The following CIMIP2C variants were observed in gnomAD, a reference collection of about 807,000 sequenced individuals.
CIMIP2C encodes the protein UPF0573 protein C2orf70.
At chr2:26,579,010 C>A in the CIMIP2C span, 2 of 525,160 alleles carry the variant, frequency 3.8e-6, no homozygotes, top group Non-Finnish European at 7.3e-6. Context: ...GAGGGGGATA[C>A]CACCACTGGG....
the CIMIP2C span, chr2:26,572,057 C>T: frequency 1.3e-6 from 2 of 1,513,332 alleles, no homozygotes; most frequent in Non-Finnish European, 1.8e-6. Flanking sequence ...GGATAAAAAC[C>T]ATCAAAGGAC....
At chr2:26,571,751 C>T in the CIMIP2C span, among the ~76,000 whole-genome samples, 11 of 151,958 alleles carry the variant, frequency 7.2e-5, no homozygotes, top group South Asian at 4.2e-4. Context: ...AGATCGGGCG[C>T]GCTCAGGGTG....
the CIMIP2C span, among the ~76,000 whole-genome samples, chr2:26,573,854 G>A: frequency 6.6e-6 from 1 of 152,232 alleles, no homozygotes; most frequent in Non-Finnish European, 1.5e-5. Flanking sequence ...CCCAGCCAAT[G>A]CCAGATGCTG....
At chr2:26,567,129 C>G in the CIMIP2C span, among the ~76,000 whole-genome samples, 2,098 of 152,334 alleles carry the variant, frequency 0.014, 99 homozygotes, top group East Asian at 0.19. Flanking sequence ...TAGGCACTGC[C>G]TGTAGCCCAC....
At chr2:26,577,155 G>A in the CIMIP2C span, among the ~76,000 whole-genome samples, 31 of 152,334 alleles carry the variant, frequency 2.0e-4, no homozygotes, top group African/African-American at 6.3e-4. Flanking sequence ...GGAAGGAGAG[G>A]GGGGAGGAAA....
chr2:26,579,511 A>G, the CIMIP2C span: 1 of 1,547,710 alleles, frequency 6.5e-7, no homozygotes, highest in South Asian at 1.2e-5. Flanking sequence ...TTGGAATAAA[A>G]TCTTTAGCCA....
At chr2:26,577,060 C>T in the CIMIP2C span, among the ~76,000 whole-genome samples, 1 of 152,232 alleles carries the variant, frequency 6.6e-6, no homozygotes, top group African/African-American at 2.4e-5. Context: ...CCACCAGCCT[C>T]TGAGCCATGT....
chr2:26,574,940 G>C, the CIMIP2C span, among the ~76,000 whole-genome samples: 1 of 152,360 alleles, frequency 6.6e-6, no homozygotes, highest in East Asian at 1.9e-4. Context: ...GGCATGCATG[G>C]GGGCACAGGG....
At chr2:26,577,207 T>C in the CIMIP2C span, among the ~76,000 whole-genome samples, 3 of 152,140 alleles carry the variant, frequency 2.0e-5, no homozygotes, top group Admixed American at 6.5e-5. Context: ...ACAGCAGGTG[T>C]GCGTACGCCT....
the CIMIP2C span, among the ~76,000 whole-genome samples, chr2:26,571,289 C>T: frequency 6.6e-6 from 1 of 152,180 alleles, no homozygotes; most frequent in African/African-American, 2.4e-5. Context: ...TCCCCCTGCC[C>T]TGGGACTTTC....
chr2:26,576,495 G>A, the CIMIP2C span, among the ~76,000 whole-genome samples: 1 of 152,166 alleles, frequency 6.6e-6, no homozygotes, highest in Non-Finnish European at 1.5e-5. Context: ...TCTGCCCCCT[G>A]GAGTCTCTTG....
At chr2:26,577,396 G>A in the CIMIP2C span, 109 of 897,374 alleles carry the variant, frequency 1.2e-4, no homozygotes, top group Non-Finnish European at 1.6e-4. Flanking sequence ...GGACTCCTCC[G>A]GGGGCATTAG....
the CIMIP2C span, chr2:26,572,130 C>T: frequency 6.5e-7 from 1 of 1,545,026 alleles, no homozygotes; most frequent in Non-Finnish European, 8.7e-7. Context: ...CATGGGTTGA[C>T]TCTGATTTAA....
chr2:26,577,105 C>G, the CIMIP2C span, among the ~76,000 whole-genome samples: 1 of 152,214 alleles, frequency 6.6e-6, no homozygotes, highest in Non-Finnish European at 1.5e-5. Context: ...AAGCCTCTCC[C>G]TCCATCTTGG....
the CIMIP2C span, chr2:26,578,787 C>A: frequency 2.1e-6 from 1 of 471,218 alleles, no homozygotes; most frequent in African/African-American, 2.0e-5. Flanking sequence ...GTTGCCTGGC[C>A]ACTTGCACTG....
chr2:26,577,986 G>C, the CIMIP2C span: 13 of 273,658 alleles, frequency 4.8e-5, no homozygotes, highest in Admixed American at 3.2e-4. Flanking sequence ...GCAGAGCGCA[G>C]TAAGGAGCTG....
the CIMIP2C span, chr2:26,576,045 T>A: frequency 2.5e-6 from 4 of 1,614,080 alleles, no homozygotes; most frequent in Non-Finnish European, 3.4e-6. Context: ...TTCCCCACCA[T>A]CTTCTCCACC....
At chr2:26,577,716 CTG>C in the CIMIP2C span, 1 of 933,752 alleles carries the variant, frequency 1.1e-6, no homozygotes, top group Non-Finnish European at 1.7e-6. Context: ...AGCACACAGA[CTG>C]AGAAATGAGT....
chr2:26,577,282 G>A, the CIMIP2C span, among the ~76,000 whole-genome samples: 3 of 152,202 alleles, frequency 2.0e-5, no homozygotes, highest in Admixed American at 6.5e-5. Context: ...CCATAGCAAA[G>A]CTGGTCTGGT....
Sources: allele counts gnomAD v4.1 joint callset (sites outside exome capture counted in the v4.1 genomes callset), GRCh38; gene constraint gnomAD v4.1.1; transcripts MANE v1.5; gene names NCBI Gene and HGNC (gene_info 2026-07-23, HGNC 2026-07-21).